Variants in RANBP2 observed in about 807,000 individuals in gnomAD.
RANBP2 encodes the protein E3 SUMO-protein ligase RanBP2.
RANBP2 carries 57 observed loss-of-function variants against 303.6 expected under a neutral mutation model. That is an observed-to-expected ratio of 0.19 (90% CI 0.15 to 0.23). The LOEUF (loss-of-function observed/expected upper bound fraction) is 0.23. RANBP2 is among the 10% of genes least tolerant of loss of function. The probability of loss-of-function intolerance (pLI) is 1.00; values close to 1 mark genes in which losing one functional copy is unlikely to be tolerated. For missense variants in RANBP2, 3,138 were observed against 3,780.8 expected (o/e 0.83, Z 4.46); for synonymous variants, 1,167 against 1,301.5 (o/e 0.90, Z 2.23).
chr2:109,799,212 C>T, the RANBP2 span, among the ~76,000 whole-genome samples: 5 of 110,588 alleles, frequency 4.5e-5, no homozygotes, highest in Non-Finnish European at 7.1e-5. Flanking sequence ...GCACTCCAGC[C>T]TGGCGACAGA....
the RANBP2 span, among the ~76,000 whole-genome samples, chr2:109,450,526 A>C: frequency 6.3e-4 from 96 of 152,386 alleles, 2 homozygotes; most frequent in Admixed American, 6.3e-3. Context: ...CATTTTTAAA[A>C]AGTAAAATTA....
chr2:109,371,513 A>C, the RANBP2 span: 2 of 1,292,930 alleles, frequency 1.5e-6, no homozygotes, highest in Non-Finnish European at 2.2e-6. Context: ...CACAGTACTA[A>C]CCAGTGTCTT....
the RANBP2 span, among the ~76,000 whole-genome samples, chr2:109,395,126 A>G: frequency 6.6e-6 from 1 of 152,222 alleles, no homozygotes; most frequent in Non-Finnish European, 1.5e-5. Context: ...CAAGTCACAG[A>G]TCTGTAGCAG....
At chr2:109,366,322 C>G in the RANBP2 span, among the ~76,000 whole-genome samples, 1 of 152,052 alleles carries the variant, frequency 6.6e-6, no homozygotes, top group African/African-American at 2.4e-5. Flanking sequence ...ACAGTAAATT[C>G]ATATAATGGA....
the RANBP2 span, among the ~76,000 whole-genome samples, chr2:109,587,890 G>T: frequency 3.3e-5 from 5 of 151,232 alleles, no homozygotes; most frequent in Admixed American, 2.6e-4. Context: ...TCCAGCCTGG[G>T]TGACAGAGCA....
the RANBP2 span, among the ~76,000 whole-genome samples, chr2:109,701,843 C>G: frequency 4.6e-5 from 7 of 152,180 alleles, no homozygotes; most frequent in African/African-American, 1.7e-4. Context: ...ACAACCTTTA[C>G]TTGAGTAAAA....
the RANBP2 span, among the ~76,000 whole-genome samples, chr2:109,274,010 G>A: frequency 1.3e-5 from 2 of 152,016 alleles, no homozygotes; most frequent in Non-Finnish European, 2.9e-5. Flanking sequence ...CATAGTTCTG[G>A]GCTTATAAAA....
chr2:108,985,393 G>A, the RANBP2 span, among the ~76,000 whole-genome samples: 1 of 152,248 alleles, frequency 6.6e-6, no homozygotes, highest in Non-Finnish European at 1.5e-5. Flanking sequence ...TGACCGTGAA[G>A]TGAGTTAAGC....
At chr2:109,045,487 G>T in the RANBP2 span, among the ~76,000 whole-genome samples, 1 of 152,176 alleles carries the variant, frequency 6.6e-6, no homozygotes. Context: ...ACAGTGAAGA[G>T]ACTGGAGGGT....
chr2:108,825,628 G>A, the RANBP2 span, among the ~76,000 whole-genome samples: 1 of 152,106 alleles, frequency 6.6e-6, no homozygotes, highest in East Asian at 1.9e-4. Context: ...TGTCACATGT[G>A]TCAATACTTC....
the RANBP2 span, among the ~76,000 whole-genome samples, chr2:109,144,366 C>T: frequency 1.5e-3 from 234 of 152,214 alleles, 2 homozygotes; most frequent in Middle Eastern, 6.8e-3. Context: ...ATGAAAAGTA[C>T]TTTTAAAAAA....
the RANBP2 span, among the ~76,000 whole-genome samples, chr2:109,441,599 T>C: frequency 6.6e-6 from 1 of 152,210 alleles, no homozygotes; most frequent in Non-Finnish European, 1.5e-5. Context: ...AGGTCTCCAA[T>C]GTAGAGGAGA....
chr2:109,544,338 G>T, the RANBP2 span: 2 of 1,582,406 alleles, frequency 1.3e-6, no homozygotes, highest in Non-Finnish European at 1.7e-6. Context: ...GAAAGAAAAA[G>T]AACCTTTTGA....
At chr2:109,361,207 C>A in the RANBP2 span, among the ~76,000 whole-genome samples, 1 of 151,958 alleles carries the variant, frequency 6.6e-6, no homozygotes, top group Admixed American at 6.6e-5. Context: ...TCTTTTTATA[C>A]CTTGTTGGAT....
chr2:109,615,061 C>T, the RANBP2 span: 16 of 1,549,192 alleles, frequency 1.0e-5, no homozygotes, highest in Non-Finnish European at 1.4e-5. Flanking sequence ...AGGGGCAGCT[C>T]CCTTGTGGGG....
chr2:109,607,792 C>T, the RANBP2 span, among the ~76,000 whole-genome samples: 1 of 152,152 alleles, frequency 6.6e-6, no homozygotes, highest in Admixed American at 6.6e-5. Flanking sequence ...CCTGTGTTCA[C>T]CCCTAGGGAA....
chr2:109,595,162 C>T, the RANBP2 span, among the ~76,000 whole-genome samples: 1 of 152,216 alleles, frequency 6.6e-6, no homozygotes, highest in Admixed American at 6.5e-5. Flanking sequence ...GCTGGGATTA[C>T]AGGCCTGAGC....
chr2:108,765,325 A>C lies in RANBP2; in HGVS notation c.4786A>C (p.Lys1596Gln), dbSNP rs1573813041. 1 of 1,613,996 alleles carries C rather than the reference A, an allele frequency of 6.2e-7. No individual in the cohort carries two copies. Among genetic ancestry groups the C allele is most frequent in the East Asian group, 2.2e-5 (1 of 44,880 alleles). The change falls in exon 20 of 29, where the codon AAG (lysine) becomes CAG (glutamine). Residue 1596 changes from lysine (K) to glutamine (Q), a missense_variant. By Grantham distance (53) the Lys-to-Gln change is moderately conservative. Around this residue, in one of 20 missense-constraint regions of RANBP2, gnomAD observed 28 missense variants for 43.2 expected, o/e 0.65. Coordinates refer to ENST00000283195, the MANE Select transcript of RANBP2 (RefSeq NM_006267.5). The stretch of plus-strand genomic sequence containing the variant: ...TACTTCAGAGACAAGCAAGGCTCCA[A>C]AGAGCGGATTTGAGGGAATGTTCAC... ...FGTSETSKAP[K>Q]SGFEGMFTKK...
the RANBP2 span, among the ~76,000 whole-genome samples, chr2:109,648,963 C>A: frequency 6.6e-6 from 1 of 152,090 alleles, no homozygotes; most frequent in Non-Finnish European, 1.5e-5. Flanking sequence ...GGAGGATGGA[C>A]TGGTTGCGGG....
Sources: gnomAD v4.1 joint callset for allele counts (sites outside exome capture counted in the v4.1 genomes callset) on GRCh38, gnomAD v4.1.1 for gene constraint, gnomAD v4.1.1 regional missense constraint, MANE v1.5 for transcripts, NCBI Gene and HGNC (gene_info 2026-07-23, HGNC 2026-07-21) for gene names.